NSD3: variants seen among roughly 807,000 people sequenced by gnomAD.
NSD3 encodes the protein histone-lysine N-methyltransferase NSD3.
In NSD3, 24 loss-of-function variants were observed where a neutral mutation model predicts 160.8. The observed-to-expected ratio is 0.15, with a 90% CI of 0.11 to 0.21. The LOEUF is 0.21. NSD3 is among the 10% of genes least tolerant of loss of function. The pLI is 1.00. For missense variants in NSD3, 1,157 were observed against 1,735.9 expected, an observed-to-expected ratio of 0.67 and a Z score of 5.93; for synonymous variants, 520 against 600.0, an observed-to-expected ratio of 0.87 and a Z score of 1.95.
chr8:38,305,082 T>C (rs193078062), intron 13 of NSD3, among the ~76,000 whole-genome samples, 166 bp downstream of exon 13: 3 of 152,368 alleles, frequency 2.0e-5, no homozygotes, highest in Non-Finnish European at 2.9e-5. Context: ...GAATTTAGAA[T>C]GTAATCTCTA....
chr8:38,297,094 T>C (rs368508930), intron 15 of NSD3, among the ~76,000 whole-genome samples: 1 of 152,238 alleles, frequency 6.6e-6, no homozygotes, highest in Non-Finnish European at 1.5e-5. Flanking sequence ...AAAAATTTTG[T>C]TTACATAAGT....
At chr8:38,380,210 C>T (rs773258871) in intron 1 of NSD3, among the ~76,000 whole-genome samples, 4 of 152,182 alleles carry the variant, frequency 2.6e-5, no homozygotes, top group Non-Finnish European at 5.9e-5. Context: ...AAATACTATT[C>T]TTAACACACT....
At chr8:38,281,713 G>A (rs144515827) in intron 19 of NSD3, 130 bp from the exon 20 acceptor site, 2 of 502,672 alleles carry the variant, frequency 4.0e-6, no homozygotes, top group East Asian at 3.3e-5. Flanking sequence ...GAAAGAAATG[G>A]TTATTTATTC....
chr8:38,363,153 G>A (rs1811025311), intron 1 of NSD3, among the ~76,000 whole-genome samples: 1 of 152,216 alleles, frequency 6.6e-6, no homozygotes, highest in Non-Finnish European at 1.5e-5. Context: ...CTTGCTCACT[G>A]CTGTATCCCC....
At chr8:38,358,166 G>C (rs1285474450) in intron 1 of NSD3, among the ~76,000 whole-genome samples, 1 of 152,110 alleles carries the variant, frequency 6.6e-6, no homozygotes, top group Non-Finnish European at 1.5e-5. Flanking sequence ...CATAGTTGTA[G>C]TTAACTGAAT....
Position 38,317,988 on chromosome 8 carries a change from C to T in NSD3, c.1855+907G>A. ...ACAGTTTCCTCAATCGCTGCGGAGA[C>T]GGAGCTGTCACTGAATCTGACAGAG... On this transcript the variant is annotated intron_variant, in intron 9 of 23. Coordinates refer to ENST00000317025, the MANE Select transcript of NSD3 (RefSeq NM_023034.2). The surrounding 1 kb of genome is among the most constrained non-coding windows in gnomAD (Gnocchi z 5.3). 3.7e-6 allele frequency: 6 copies of T among 1,614,166 alleles called. No individual in the cohort carries two copies. Among genetic ancestry groups the T allele is most frequent in the Non-Finnish European group, 5.1e-6 (6 of 1,180,036 alleles).
intron 1 of NSD3, among the ~76,000 whole-genome samples, chr8:38,376,876 T>C (rs971809999): frequency 1.3e-5 from 2 of 152,242 alleles, no homozygotes; most frequent in Non-Finnish European, 2.9e-5. Context: ...ACTATCTCTC[T>C]TCCATTTAAC....
intron 15 of NSD3, among the ~76,000 whole-genome samples, chr8:38,296,345 G>A (rs1414805493): frequency 1.3e-5 from 2 of 152,164 alleles, no homozygotes; most frequent in African/African-American, 4.8e-5. Context: ...TCCTTCAGAG[G>A]TAAGAAAGAA....
chr8:38,278,498 G>C (rs1808664914), intron 21 of NSD3, 86 bp from the exon 22 acceptor site: 5 of 1,165,444 alleles, frequency 4.3e-6, no homozygotes, highest in Non-Finnish European at 6.0e-6. Context: ...ATGAAAAAAA[G>C]AGACATCATT....
intron 19 of NSD3, among the ~76,000 whole-genome samples, chr8:38,285,916 G>A (rs1479983937): frequency 2.0e-5 from 3 of 152,070 alleles, no homozygotes; most frequent in Non-Finnish European, 4.4e-5. Flanking sequence ...CGACTCTAAT[G>A]GTCTCCCTTT....
intron 2 of NSD3, among the ~76,000 whole-genome samples, chr8:38,341,674 G>A (rs995991442): frequency 6.6e-6 from 1 of 152,142 alleles, no homozygotes; most frequent in African/African-American, 2.4e-5. Context: ...GGTACCAGCT[G>A]TGCACAGTGG....
At position 38,299,609 on chromosome 8, in the gene NSD3, A is replaced by G; in HGVS notation, c.2612-19T>C. ...ATCAGCCCTATACGAAACAAACAGA[A>G]AGAGATGAGCTGCAATGAAACTACC... On this transcript the variant is annotated intron_variant, in intron 14 of 23. Coordinates refer to ENST00000317025, the MANE Select transcript of NSD3 (RefSeq NM_023034.2). 6.6e-7 allele frequency: 1 copy of G among 1,509,368 alleles called. No homozygotes were observed. The highest frequency in any genetic ancestry group is 8.9e-7 in the Non-Finnish European group (1 of 1,129,014). 93.5% of individuals were successfully genotyped at this position (1,509,368 alleles called of 1,614,324 possible). A position where few individuals can be genotyped will look rare whatever the true frequency, so the allele number is the denominator to read the frequency against.
chr8:38,378,550 G>A (rs957987576), intron 1 of NSD3, among the ~76,000 whole-genome samples: 2 of 152,206 alleles, frequency 1.3e-5, no homozygotes, highest in African/African-American at 4.8e-5. Flanking sequence ...GCTGAGGCAG[G>A]AGAATGGTGT....
rs192478752 is a variant in NSD3 at position 38,312,263 on chromosome 8, T to A, written c.2242+2384A>T. On this transcript the variant is annotated intron_variant, in intron 12 of 23. Coordinates refer to ENST00000317025, the MANE Select transcript of NSD3 (RefSeq NM_023034.2). ...CTACCCAACTGTTTTTTATTAAAAA[T>A]TTTTTTTCATGCTTACTGATAACAT... Among the ~76,000 whole-genome samples the A allele has an allele frequency of 1.8e-4, 28 of 152,136 alleles. No homozygotes were observed. In the East Asian group the frequency reaches 4.6e-3, roughly 25 times the overall value.
At chr8:38,351,662 C>CAA (rs780835943) in intron 1 of NSD3, among the ~76,000 whole-genome samples, 7 of 79,184 alleles carry the variant, frequency 8.8e-5, no homozygotes, top group African/African-American at 2.2e-4. Context: ...GACTCCGTCT[C>CAA]AAAAAAAAAA....
Position 38,382,189 on chromosome 8 carries a change from G to A in NSD3, c.-435C>T. 1 of 154,456 alleles carries A rather than the reference G, an allele frequency of 6.5e-6. No individual in the cohort carries two copies. Among genetic ancestry groups the A allele is most frequent in the South Asian group, 1.7e-4 (1 of 5,758 alleles). 9.6% of individuals were successfully genotyped at this position (154,456 alleles called of 1,614,324 possible). On this transcript the variant is annotated 5_prime_UTR_variant, in exon 1 of 24. Coordinates refer to ENST00000317025, the MANE Select transcript of NSD3 (RefSeq NM_023034.2). The surrounding 1 kb of genome is among the most constrained non-coding windows in gnomAD (Gnocchi z 4.2). The stretch of plus-strand genomic sequence containing the variant: ...CGGAATTCGCACGCCTCTCCGCGGC[G>A]ACCTGTGCACAGCCCCCTCGGCCTC...
intron 1 of NSD3, among the ~76,000 whole-genome samples, chr8:38,368,577 C>T (rs565704887): frequency 9.2e-5 from 14 of 152,274 alleles, no homozygotes; most frequent in African/African-American, 3.1e-4. Context: ...AGTTATACAA[C>T]ATTTTAGGTG....
At chr8:38,376,768 G>T (rs866532551) in intron 1 of NSD3, among the ~76,000 whole-genome samples, 5 of 152,120 alleles carry the variant, frequency 3.3e-5, no homozygotes, top group Non-Finnish European at 5.9e-5. Flanking sequence ...GAAGTAATAG[G>T]TTGTGCTGTA....
rs191410906 is a variant in NSD3 at position 38,288,252 on chromosome 8, C to T, written c.3501+235G>A. On this transcript the variant is annotated intron_variant, in intron 19 of 23. Transcript: ENST00000317025. This position sits in a 1 kb window ranked among gnomAD's most constrained non-coding sequence, Gnocchi z 4.5. Reference sequence around the variant, plus strand: ...CATTTCACATAGAAATTACCAGTGTCCCCTCTCTCCTTTTTATGACTAGCC... The same window carrying T: ...CATTTCACATAGAAATTACCAGTGTTCCCTCTCTCCTTTTTATGACTAGCC... Among the ~76,000 whole-genome samples the T allele has an allele frequency of 0.011, 1,691 of 151,888 alleles. 9 individuals are homozygous for T. The highest frequency in any genetic ancestry group is 0.017 in the Middle Eastern group (5 of 294).
Sources: allele counts gnomAD v4.1 joint callset (sites outside exome capture counted in the v4.1 genomes callset), GRCh38; gene constraint gnomAD v4.1.1; non-coding constraint Gnocchi (gnomAD v3.1); transcripts MANE v1.5; gene names NCBI Gene and HGNC (gene_info 2026-07-23, HGNC 2026-07-21).